ROBO2: variants seen among roughly 807,000 people sequenced by gnomAD.
ROBO2 encodes the protein roundabout homolog 2.
ROBO2 carries 53 observed loss-of-function variants against 160.8 expected under a neutral mutation model. The observed-to-expected ratio is 0.33, with a 90% CI of 0.26 to 0.41. The LOEUF (loss-of-function observed/expected upper bound fraction) is 0.41, where lower values mean the gene tolerates loss of function less well. Ranked by LOEUF, ROBO2 falls within the 10% of genes least tolerant of loss-of-function variation. ROBO2 has a pLI of 1.00. For synonymous variants in ROBO2, 664 were observed against 611.7 expected (o/e 1.09, Z -1.26); for missense variants, 1,577 against 1,722.4 (o/e 0.92, Z 1.49).
At chr3:77,209,672 T>G (rs570810725) in intron 2 of ROBO2, among the ~76,000 whole-genome samples, 1 of 152,270 alleles carries the variant, frequency 6.6e-6, no homozygotes, top group African/African-American at 2.4e-5. Context: ...CCTATTCAAC[T>G]AAAGAGTTGC....
At chr3:76,337,524 T>C (rs896557177) in intron 2 of ROBO2, among the ~76,000 whole-genome samples, 1 of 152,200 alleles carries the variant, frequency 6.6e-6, no homozygotes, top group South Asian at 2.1e-4. Flanking sequence ...TACAGGATTG[T>C]ATCTATTTTG....
At chr3:75,964,601 T>C (rs1367839025) in intron 2 of ROBO2, among the ~76,000 whole-genome samples, 5 of 151,630 alleles carry the variant, frequency 3.3e-5, no homozygotes, top group Non-Finnish European at 7.4e-5. Flanking sequence ...TATATTTGTA[T>C]ATGAGATGCA....
At chr3:76,905,054 A>G (rs2148895558) in intron 2 of ROBO2, among the ~76,000 whole-genome samples, 1 of 152,312 alleles carries the variant, frequency 6.6e-6, no homozygotes, top group East Asian at 1.9e-4. Flanking sequence ...TTTAAACATG[A>G]CTATTACTGG....
chr3:76,195,657 A>G (rs1486517266), intron 2 of ROBO2, among the ~76,000 whole-genome samples: 2 of 152,216 alleles, frequency 1.3e-5, no homozygotes, highest in East Asian at 3.9e-4. Flanking sequence ...GTAGATACAC[A>G]CATGAAATGT....
chr3:77,105,913 T>C (rs142515999), intron 2 of ROBO2, among the ~76,000 whole-genome samples: 176 of 152,248 alleles, frequency 1.2e-3, no homozygotes, highest in Admixed American at 3.2e-3. Context: ...AACATATTCA[T>C]AGTGATACTA....
At chr3:76,126,094 G>T (rs143040566) in intron 2 of ROBO2, among the ~76,000 whole-genome samples, 1 of 152,092 alleles carries the variant, frequency 6.6e-6, no homozygotes, top group African/African-American at 2.4e-5. Flanking sequence ...GATTACAGGC[G>T]TGAGCCACTG....
At chr3:77,184,690 C>T (rs1321608433) in intron 2 of ROBO2, among the ~76,000 whole-genome samples, 2 of 151,910 alleles carry the variant, frequency 1.3e-5, no homozygotes, top group Non-Finnish European at 2.9e-5. Context: ...TTAAAGAAAA[C>T]ATTGAAATAA....
intron 2 of ROBO2, among the ~76,000 whole-genome samples, chr3:76,957,488 G>A (rs1176910338): frequency 6.6e-6 from 1 of 152,062 alleles, no homozygotes; most frequent in Non-Finnish European, 1.5e-5. Flanking sequence ...AATAGCTAAT[G>A]TATGCAGATA....
At chr3:76,061,768 A>G (rs1201426453) in intron 2 of ROBO2, among the ~76,000 whole-genome samples, 1 of 152,122 alleles carries the variant, frequency 6.6e-6, no homozygotes, top group African/African-American at 2.4e-5. Context: ...TATGTAGCCT[A>G]GAAATTCAAC....
chr3:77,600,401 A>G (rs972844653), intron 19 of ROBO2, among the ~76,000 whole-genome samples: 2 of 152,262 alleles, frequency 1.3e-5, no homozygotes, highest in African/African-American at 4.8e-5. Flanking sequence ...CTATAATTTT[A>G]TCTAGCAGGG....
intron 2 of ROBO2, among the ~76,000 whole-genome samples, chr3:77,325,472 G>C (rs941238260): frequency 6.6e-6 from 1 of 152,234 alleles, no homozygotes; most frequent in Admixed American, 6.5e-5. Flanking sequence ...AGCTGCTGCT[G>C]TCTGGTGCCA....
chr3:76,692,002 G>A (rs1451126909), intron 2 of ROBO2, among the ~76,000 whole-genome samples: 1 of 152,166 alleles, frequency 6.6e-6, no homozygotes, highest in African/African-American at 2.4e-5. Flanking sequence ...AGTTGTGTGT[G>A]TAGGAGCTCA....
At chr3:77,312,017 C>G (rs191627658) in intron 2 of ROBO2, among the ~76,000 whole-genome samples, 4 of 151,960 alleles carry the variant, frequency 2.6e-5, no homozygotes, top group African/African-American at 4.8e-5. Context: ...ACCTGGGAGG[C>G]GGAGGTTGCA....
chr3:75,979,066 A>G (rs970408324), intron 2 of ROBO2, among the ~76,000 whole-genome samples: 4 of 151,560 alleles, frequency 2.6e-5, no homozygotes, highest in Non-Finnish European at 5.9e-5. Flanking sequence ...ACCGATGCAT[A>G]TGTAAGATCA....
intron 2 of ROBO2, among the ~76,000 whole-genome samples, chr3:77,475,100 T>G (rs1267232000): frequency 6.6e-6 from 1 of 151,412 alleles, no homozygotes; most frequent in Non-Finnish European, 1.5e-5. Context: ...CATATTATAA[T>G]ATCCTGAAGA....
chr3:77,237,999 CA>C (rs1365537053), intron 2 of ROBO2, among the ~76,000 whole-genome samples: 3 of 152,166 alleles, frequency 2.0e-5, no homozygotes, highest in Non-Finnish European at 2.9e-5. Context: ...TGATATGGAG[CA>C]TCTTTTCATA....
At chr3:76,126,439 A>G (rs2070992519) in intron 2 of ROBO2, among the ~76,000 whole-genome samples, 1 of 152,142 alleles carries the variant, frequency 6.6e-6, no homozygotes, top group Non-Finnish European at 1.5e-5. Context: ...AAAGTATTCA[A>G]TGACTTCTTA....
intron 2 of ROBO2, among the ~76,000 whole-genome samples, chr3:77,279,059 A>G (rs2060076203): frequency 6.6e-6 from 1 of 152,054 alleles, no homozygotes; most frequent in South Asian, 2.1e-4. Context: ...TCGATATTTT[A>G]TTAGTGATGG....
chr3:77,641,761 T>C (rs1474082562), intron 24 of ROBO2, among the ~76,000 whole-genome samples: 2 of 152,024 alleles, frequency 1.3e-5, no homozygotes, highest in African/African-American at 4.8e-5. Context: ...AACTAATACA[T>C]ACTTAAAAGA....
Sources: allele counts gnomAD v4.1 joint callset (sites outside exome capture counted in the v4.1 genomes callset), GRCh38; gene constraint gnomAD v4.1.1; transcripts MANE v1.5; gene names NCBI Gene and HGNC (gene_info 2026-07-23, HGNC 2026-07-21).